Variants in RAD52 observed in about 807,000 individuals in gnomAD.
The protein encoded by RAD52 is DNA repair protein RAD52 homolog.
RAD52 carries 47 observed loss-of-function variants against 55.5 expected under a neutral mutation model. The ratio of observed to expected loss-of-function variants is 0.85; its 90% CI spans 0.67 to 1.08. The LOEUF (loss-of-function observed/expected upper bound fraction) is 1.08, where lower values mean the gene tolerates loss of function less well. Among genes scored for constraint, RAD52 ranks in the 50% least tolerant of loss-of-function variants. The probability of loss-of-function intolerance (pLI) is 0.00; values close to 1 mark genes in which losing one functional copy is unlikely to be tolerated. For missense variants in RAD52, 468 were observed against 522.8 expected, an observed-to-expected ratio of 0.90 and a Z score of 1.02; for synonymous variants, 184 against 198.9, an observed-to-expected ratio of 0.92 and a Z score of 0.63.
At chr12:965,499 C>T (rs1281032004) in intron 1 of RAD52, among the ~76,000 whole-genome samples, 2 of 152,094 alleles carry the variant, frequency 1.3e-5, no homozygotes, top group East Asian at 3.9e-4. Flanking sequence ...ATCTGTCCTC[C>T]TCCCTGCTAA....
intron 6 of RAD52, chr12:926,841 T>C (rs1162778282): frequency 9.8e-6 from 15 of 1,536,904 alleles, no homozygotes; most frequent in African/African-American, 2.7e-5. Context: ...AGGAGGGTGC[T>C]GTCTGTGCAC....
At chr12:947,558 C>A (rs1027373606) in intron 1 of RAD52, among the ~76,000 whole-genome samples, 1 of 136,698 alleles carries the variant, frequency 7.3e-6, no homozygotes, top group Non-Finnish European at 1.6e-5. Flanking sequence ...CTGAGAGAAA[C>A]TCTGTCCCCC....
At chr12:983,972 T>G (rs1959053818) in intron 1 of RAD52, among the ~76,000 whole-genome samples, 1 of 152,196 alleles carries the variant, frequency 6.6e-6, no homozygotes, top group African/African-American at 2.4e-5. Context: ...TTTAAAATAT[T>G]TATTTATTGT....
At chr12:964,040 C>T (rs1197820377) in intron 1 of RAD52, among the ~76,000 whole-genome samples, 1 of 151,860 alleles carries the variant, frequency 6.6e-6, no homozygotes, top group East Asian at 1.9e-4. Context: ...GTCGGAGGTA[C>T]AACATGAGTA....
At chr12:922,708 T>C (rs1425819339) in intron 7 of RAD52, among the ~76,000 whole-genome samples, 5 of 150,530 alleles carry the variant, frequency 3.3e-5, no homozygotes. Flanking sequence ...TAGACACATA[T>C]ACCTATAATC....
At chr12:958,488 T>C (rs764740293) in intron 1 of RAD52, among the ~76,000 whole-genome samples, 4 of 152,222 alleles carry the variant, frequency 2.6e-5, no homozygotes, top group Non-Finnish European at 4.4e-5. Context: ...TGTGCTGGGA[T>C]TACAGGCATG....
intron 1 of RAD52, among the ~76,000 whole-genome samples, chr12:945,043 A>C (rs1384593427): frequency 3.3e-5 from 5 of 152,116 alleles, no homozygotes; most frequent in African/African-American, 1.2e-4. Flanking sequence ...AAACTTTAAA[A>C]AAATTAGCAA....
chr12:938,587 A>C (rs1957754489), intron 1 of RAD52, among the ~76,000 whole-genome samples: 1 of 152,142 alleles, frequency 6.6e-6, no homozygotes, highest in Admixed American at 6.6e-5. Context: ...GGGAGGCTGA[A>C]GCAGGATAAT....
chr12:933,644 G>A (rs901019489), intron 1 of RAD52, among the ~76,000 whole-genome samples: 3 of 151,914 alleles, frequency 2.0e-5, no homozygotes, highest in East Asian at 3.8e-4. Flanking sequence ...TGCTATTAAA[G>A]GTGATTTTTA....
intron 1 of RAD52, among the ~76,000 whole-genome samples, chr12:960,148 T>C (rs1267468001): frequency 1.3e-5 from 2 of 152,180 alleles, no homozygotes; most frequent in African/African-American, 2.4e-5. Flanking sequence ...GGAAATGCCC[T>C]GATCTGAATA....
chr12:958,563 C>T (rs1385561964), intron 1 of RAD52, among the ~76,000 whole-genome samples: 10 of 152,186 alleles, frequency 6.6e-5, no homozygotes, highest in Non-Finnish European at 1.5e-5. Flanking sequence ...AACATAGCCT[C>T]ACCTCTCACT....
chr12:983,820 C>A (rs910689631), intron 1 of RAD52, among the ~76,000 whole-genome samples: 1 of 152,174 alleles, frequency 6.6e-6, no homozygotes, highest in African/African-American at 2.4e-5. Context: ...GGGTTAGATA[C>A]CATTCTTATG....
chr12:973,782 CTTTTTT>C (rs750425355), intron 1 of RAD52, among the ~76,000 whole-genome samples: 3 of 113,480 alleles, frequency 2.6e-5, no homozygotes, highest in African/African-American at 1.1e-4. Flanking sequence ...CCCAGTCCTT[CTTTTTT>C]TTTTTTTTTT....
chr12:988,608 A>C (rs1211795740), intron 1 of RAD52, among the ~76,000 whole-genome samples: 1 of 152,220 alleles, frequency 6.6e-6, no homozygotes, highest in Non-Finnish European at 1.5e-5. Flanking sequence ...GCATCTGCTC[A>C]GTTCTGGTGA....
At position 913,996 on chromosome 12, in the gene RAD52, C is replaced by T; in HGVS notation, c.1093G>A (p.Val365Met). The change falls in exon 11 of 12, where the codon GTG becomes ATG. Residue 365 changes from valine to methionine, a missense_variant. Transcript: ENST00000358495. Reference protein sequence around the residue: ...SDTLALNNQMVTQNRTPHSVC... With the variant: ...SDTLALNNQMMTQNRTPHSVC... ...CTGTGTGGAGTCCTGTTCTGGGTCA[C>T]CATCTGGTTGTTCAAGGCTAATGTG... is the stretch of plus-strand genomic sequence containing the variant. 6.2e-7 allele frequency: 1 copy of T among 1,614,152 alleles called. No individual in the cohort carries two copies. Among genetic ancestry groups the T allele is most frequent in the African/African-American group, 1.3e-5 (1 of 75,036 alleles).
At chr12:929,936 A>G in intron 4 of RAD52, 50 bp from the exon 5 acceptor site, 1 of 1,583,396 alleles carries the variant, frequency 6.3e-7, no homozygotes, top group Non-Finnish European at 8.7e-7. Context: ...CCGCTGGGCC[A>G]CAACCATTCC....
At position 914,044 on chromosome 12, in the gene RAD52, C is replaced by T; in HGVS notation, c.1045G>A (p.Ala349Thr). 1 of 1,614,182 alleles carries T rather than the reference C, an allele frequency of 6.2e-7. No homozygotes were observed. Among genetic ancestry groups the T allele is most frequent in the Non-Finnish European group, 8.5e-7 (1 of 1,180,024 alleles). The change falls in exon 11 of 12, where the codon GCA becomes ACA. Residue 349 changes from alanine to threonine, a missense_variant. Ala to Thr is a moderately conservative substitution (Grantham distance 58, BLOSUM62 0). Coordinates refer to ENST00000358495, the MANE Select transcript of RAD52 (RefSeq NM_134424.4). ...GDGVVKPSSR[A>T]DPAQTSDTLA... is the part of the protein sequence containing the mutation. ...GTGTCAGAGGTCTGGGCTGGGTCTG[C>T]TCTAGACGAGGGCTTGACCACACCA...
intron 1 of RAD52, among the ~76,000 whole-genome samples, chr12:983,842 C>T (rs1959052062): frequency 6.6e-6 from 1 of 152,156 alleles, no homozygotes; most frequent in African/African-American, 2.4e-5. Context: ...CTTATTTAAC[C>T]TTCATTATCT....
At chr12:927,592 C>T (rs1346597231) in intron 5 of RAD52, among the ~76,000 whole-genome samples, 1 of 152,048 alleles carries the variant, frequency 6.6e-6, no homozygotes, top group Non-Finnish European at 1.5e-5. Context: ...CCGGGCCGGG[C>T]GTGGTGGCTC....
Sources: allele counts gnomAD v4.1 joint callset (sites outside exome capture counted in the v4.1 genomes callset), GRCh38; gene constraint gnomAD v4.1.1; transcripts MANE v1.5; gene names NCBI Gene and HGNC (gene_info 2026-07-23, HGNC 2026-07-21).